GATA3: variants seen among roughly 807,000 people sequenced by gnomAD.
GATA3 encodes the protein trans-acting T-cell-specific transcription factor GATA-3.
A neutral mutation model predicts 36.0 loss-of-function variants in GATA3; 6 were observed. That is an observed-to-expected ratio of 0.17 (90% CI 0.09 to 0.33). The LOEUF (loss-of-function observed/expected upper bound fraction) is 0.33. GATA3 is among the 10% of genes least tolerant of loss of function. GATA3 has a pLI of 1.00. For synonymous variants in GATA3, 326 were observed against 273.0 expected (o/e 1.19, Z -1.92); for missense variants, 514 against 610.1 (o/e 0.84, Z 1.66).
upstream of GATA3, chr10:8,052,904 G>GGA (rs1554793766): frequency 7.3e-5 from 11 of 150,098 alleles, no homozygotes; most frequent in South Asian, 2.4e-3. Context: ...TGGCGGGGGG[G>GGA]GGGGGAGCTT....
intron 4 of GATA3, among the ~76,000 whole-genome samples, chr10:8,064,766 A>G (rs370745931): frequency 2.7e-4 from 41 of 152,252 alleles, no homozygotes; most frequent in African/African-American, 9.9e-4. Flanking sequence ...GGCAATTCCT[A>G]TGGGAAACGT....
Position 8,069,465 on chromosome 10 carries a change from A to ACT in GATA3, c.925-4_925-3dup, listed in dbSNP as rs753160334. Reference sequence around the variant, plus strand: ...TGATTTCACCCTCTCCTCTCTCCCCACTCTCAGTCTGCAGCCAGGAGAGCA... The same window carrying ACT: ...TGATTTCACCCTCTCCTCTCTCCCCACTCTCTCAGTCTGCAGCCAGGAGAGCA... On this transcript the variant is annotated splice_polypyrimidine_tract_variant and splice_region_variant and intron_variant, in intron 4 of 5. Transcript: ENST00000379328. 15 of 1,606,752 alleles carry ACT rather than the reference A, an allele frequency of 9.3e-6. No homozygotes were observed. The highest frequency in any genetic ancestry group is 1.4e-5 in the African/African-American group (1 of 72,534).
upstream of GATA3, among the ~76,000 whole-genome samples, chr10:8,054,408 G>A (rs1158188134): frequency 6.6e-6 from 1 of 152,188 alleles, no homozygotes; most frequent in East Asian, 1.9e-4. The surrounding 1 kb of genome is among the most constrained non-coding windows in gnomAD (Gnocchi z 4.2). Context: ...GCCAGAGCGC[G>A]CGTTCCCTCC....
rs762221819 is a variant in GATA3 at position 8,073,729 on chromosome 10, C to A, written c.1051-10C>A. 2 of 1,578,042 alleles carry A rather than the reference C, an allele frequency of 1.3e-6. No individual in the cohort carries two copies. Among genetic ancestry groups the A allele is most frequent in the East Asian group, 2.3e-5 (1 of 43,850 alleles). On this transcript the variant is annotated splice_polypyrimidine_tract_variant and intron_variant, in intron 5 of 5. Coordinates refer to ENST00000379328, the MANE Select transcript of GATA3 (RefSeq NM_001002295.2). ...GTAAAAAAAAAAAAAAAAAATTGAT[C>A]TTTGTTTAGATTAACAGACCCCTGA...
intron 1 of GATA3, chr10:8,045,565 C>T (rs975442664): frequency 6.6e-6 from 1 of 152,314 alleles, no homozygotes; most frequent in African/African-American, 2.4e-5. Flanking sequence ...TCCCTCTGCC[C>T]GCTCCACGTG....
In GATA3 at chr10:8,075,089, C is replaced by T. The variant is rs11255509; in HGVS notation, c.*1066C>T. On this transcript the variant is annotated 3_prime_UTR_variant, in exon 6 of 6. Coordinates refer to ENST00000379328, the MANE Select transcript of GATA3 (RefSeq NM_001002295.2). ...GACAGGCCACGTCCTGCAATCGGCCCGGCTGCCTCTTCGCCCTGTCGTGTT... is the reference window on the plus strand; with the variant it reads ...GACAGGCCACGTCCTGCAATCGGCCTGGCTGCCTCTTCGCCCTGTCGTGTT... 0.016 allele frequency: 3,828 copies of T among 233,138 alleles called. 145 individuals are homozygous for T. The highest frequency in any genetic ancestry group is 0.078 in the African/African-American group (3,528 of 45,420). The allele number at this position is 233,138 out of a possible 1,614,324, so 14.4% of individuals were successfully genotyped here.
At position 8,073,726 on chromosome 10, in the gene GATA3, G is replaced by A. The variant is rs1476245739; in HGVS notation, c.1051-13G>A. The A allele has an allele frequency of 4.1e-6, 6 of 1,479,078 alleles. No individual in the cohort carries two copies. Among genetic ancestry groups the A allele is most frequent in the South Asian group, 1.2e-5 (1 of 83,354 alleles). The allele number at this position is 1,479,078 out of a possible 1,614,324, so 91.6% of individuals were successfully genotyped here. A position where few individuals can be genotyped will look rare whatever the true frequency, so the allele number is the denominator to read the frequency against. Reference sequence around the variant, plus strand: ...AAAGTAAAAAAAAAAAAAAAAAATTGATCTTTGTTTAGATTAACAGACCCC... The same window carrying A: ...AAAGTAAAAAAAAAAAAAAAAAATTAATCTTTGTTTAGATTAACAGACCCC... On this transcript the variant is annotated splice_polypyrimidine_tract_variant and intron_variant, in intron 5 of 5. Coordinates refer to ENST00000379328, the MANE Select transcript of GATA3 (RefSeq NM_001002295.2).
intron 5 of GATA3, among the ~76,000 whole-genome samples, chr10:8,073,064 G>C (rs1383608393): frequency 7.0e-6 from 1 of 143,454 alleles, no homozygotes; most frequent in Non-Finnish European, 1.5e-5. Flanking sequence ...AGAATTGCTT[G>C]AACCCGGGAG....
chr10:8,049,169 T>C (rs531265074), upstream of GATA3, among the ~76,000 whole-genome samples: 8 of 152,254 alleles, frequency 5.3e-5, no homozygotes, highest in African/African-American at 1.2e-4. Flanking sequence ...TCAAATCACA[T>C]ACCATCCCCA....
chr10:8,053,175 T>G (rs1373689404), upstream of GATA3: 6 of 152,218 alleles, frequency 3.9e-5, no homozygotes, highest in Non-Finnish European at 2.9e-5. The surrounding 1 kb of genome is among the most constrained non-coding windows in gnomAD (Gnocchi z 5.1). Flanking sequence ...AAGGAATCCT[T>G]CAGAACTTAC....
intron 3 of GATA3, among the ~76,000 whole-genome samples, chr10:8,062,440 C>T (rs1351984689): frequency 6.6e-6 from 1 of 151,264 alleles, no homozygotes; most frequent in Non-Finnish European, 1.5e-5. Context: ...GCAAGACCCT[C>T]TTCCATTTGC....
At position 8,055,510 on chromosome 10, in the gene GATA3, C is replaced by CCTT; in HGVS notation, c.-144_-142dup. 1 of 875,008 alleles carries CCTT rather than the reference C, an allele frequency of 1.1e-6. No homozygotes were observed. Among genetic ancestry groups the CCTT allele is most frequent in the East Asian group, 2.7e-5 (1 of 37,448 alleles). The allele number at this position is 875,008 out of a possible 1,614,324, so 54.2% of individuals were successfully genotyped here. A position where few individuals can be genotyped will look rare whatever the true frequency, so the allele number is the denominator to read the frequency against. ...TCCTTTGCTCACCTTTGCTTCCCAGCCTTCCCATCCCCCCACCGAAAGCAA... is the reference window on the plus strand; with the variant it reads ...TCCTTTGCTCACCTTTGCTTCCCAGCCTTCTTCCCATCCCCCCACCGAAAGCAA... On this transcript the variant is annotated 5_prime_UTR_variant, in exon 2 of 6. Coordinates refer to ENST00000379328, the MANE Select transcript of GATA3 (RefSeq NM_001002295.2). This position sits in a 1 kb window ranked among gnomAD's most constrained non-coding sequence, Gnocchi z 5.4.
intron 4 of GATA3, among the ~76,000 whole-genome samples, chr10:8,064,772 A>G (rs900459132): frequency 1.3e-5 from 2 of 152,230 alleles, no homozygotes; most frequent in Non-Finnish European, 2.9e-5. Context: ...TCCTATGGGA[A>G]ACGTCGTGTG....
At chr10:8,063,407 T>TA (rs529982782) in intron 3 of GATA3, among the ~76,000 whole-genome samples, 9 of 152,298 alleles carry the variant, frequency 5.9e-5, no homozygotes, top group African/African-American at 1.9e-4. Context: ...TGATTGGAAG[T>TA]AAAATCTAAA....
chr10:8,046,369 G>C (rs1183673074), intron 1 of GATA3, among the ~76,000 whole-genome samples: 1 of 152,206 alleles, frequency 6.6e-6, no homozygotes. Context: ...GCAAGGGCAG[G>C]GGGGAAAGTG....
At position 8,066,450 on chromosome 10, in the gene GATA3, C is replaced by CTTTCT. The variant is rs1554796012; in HGVS notation, c.924+2315_924+2316insCTTTT. Among the ~76,000 whole-genome samples, 35 of 101,268 alleles carry CTTTCT rather than the reference C, an allele frequency of 3.5e-4. No individual in the cohort carries two copies. In the South Asian group the frequency reaches 3.5e-3, roughly 10 times the overall value. The allele number at this position is 101,268 out of a possible 152,430, so 66.4% of individuals were successfully genotyped here. A position where few individuals can be genotyped will look rare whatever the true frequency, so the allele number is the denominator to read the frequency against. On this transcript the variant is annotated intron_variant, in intron 4 of 5. Coordinates refer to ENST00000379328, the MANE Select transcript of GATA3 (RefSeq NM_001002295.2). The stretch of plus-strand genomic sequence containing the variant: ...TTTCTTTTTCTTTCTTTCTTTCTTT[C>CTTTCT]TTTTTTTTTTTTAGCCCTGAGATGT...
At chr10:8,049,767 G>A (rs927330423), upstream of GATA3, among the ~76,000 whole-genome samples, 1 of 152,172 alleles carries the variant, frequency 6.6e-6, no homozygotes, top group East Asian at 1.9e-4. Context: ...GGTTGGAGAC[G>A]GAGGTGTGCG....
At chr10:8,051,809 G>T (rs901629293), upstream of GATA3, among the ~76,000 whole-genome samples, 1 of 150,664 alleles carries the variant, frequency 6.6e-6, no homozygotes, top group African/African-American at 2.4e-5. Context: ...TCTTGCCGGC[G>T]AGGCGGGTCA....
Position 8,055,779 on chromosome 10 carries a change from C to T in GATA3, c.124C>T (p.Pro42Ser), listed in dbSNP as rs774975933. 1.5e-5 allele frequency: 24 copies of T among 1,592,234 alleles called. No individual in the cohort carries two copies. Among genetic ancestry groups the T allele is most frequent in the East Asian group, 4.6e-5 (2 of 43,714 alleles). The stretch of plus-strand genomic sequence containing the variant: ...CTCCTACATGGACGCGGCGCAGTAC[C>T]CGCTGCCGGAGGAGGTGGATGTGCT... ...SHSYMDAAQY[P>S]LPEEVDVLFN... The change falls in exon 2 of 6, where the codon CCG becomes TCG. Residue 42 changes from proline to serine, a missense_variant. By Grantham distance (74) the Pro-to-Ser change is moderately conservative. This residue lies in a region of GATA3 where 381 missense variants were observed against 354.3 expected (regional missense o/e 1.08). Coordinates refer to ENST00000379328, the MANE Select transcript of GATA3 (RefSeq NM_001002295.2). This position sits in a 1 kb window ranked among gnomAD's most constrained non-coding sequence, Gnocchi z 5.4.
Sources: gnomAD v4.1 joint callset for allele counts (sites outside exome capture counted in the v4.1 genomes callset) on GRCh38, gnomAD v4.1.1 for gene constraint, gnomAD v4.1.1 regional missense constraint, Gnocchi (gnomAD v3.1) non-coding constraint, MANE v1.5 for transcripts, NCBI Gene and HGNC (gene_info 2026-07-23, HGNC 2026-07-21) for gene names.